Variants in PLEKHA4 observed in about 807,000 individuals in gnomAD.
The protein encoded by PLEKHA4 is pleckstrin homology domain containing A4.
Under a neutral mutation model 94.7 loss-of-function variants are expected in PLEKHA4, and 73 were observed. The ratio of observed to expected loss-of-function variants is 0.77; its 90% CI spans 0.64 to 0.94. The LOEUF is 0.94. Ranked by LOEUF, PLEKHA4 falls within the 40% of genes least tolerant of loss-of-function variation. The probability of loss-of-function intolerance (pLI) is 0.00; values close to 1 mark genes in which losing one functional copy is unlikely to be tolerated. For missense variants in PLEKHA4, 1,049 were observed against 1,054.1 expected (o/e 1.00, Z 0.07); for synonymous variants, 449 against 437.1 (o/e 1.03, Z -0.34).
intron 12 of PLEKHA4, among the ~76,000 whole-genome samples, chr19:48,853,002 A>G (rs1182877005): frequency 6.6e-6 from 1 of 152,126 alleles, no homozygotes; most frequent in Non-Finnish European, 1.5e-5. Context: ...CAACAATAAC[A>G]ATGATAATAT....
rs1253992744 is a variant in PLEKHA4, at chr19:48,845,543, T to G, written c.1640A>C (p.Asp547Ala). 3 of 1,610,942 alleles carry G rather than the reference T, an allele frequency of 1.9e-6. No individual in the cohort carries two copies. The highest frequency in any genetic ancestry group is 2.5e-6 in the Non-Finnish European group (3 of 1,178,122). The part of the protein sequence containing the change: ...ETDWGRPPGG[D>A]KDLASPHLGL... The stretch of plus-strand genomic sequence containing the variant: ...TAAGTGAGGGCTGGCGAGGTCTTTG[T>G]CGCCTCCAGGAGGCCGCCCCCAGTC... Residue 547 changes from aspartate to alanine, a missense_variant, in exon 15 of 20, where the codon GAC becomes GCC. By Grantham distance (126) the Asp-to-Ala change is moderately radical. Transcript: ENST00000263265.
At chr19:48,859,767 A>T (rs2036567139) in intron 6 of PLEKHA4, 83 bp from the exon 7 acceptor site, 2 of 1,300,400 alleles carry the variant, frequency 1.5e-6, no homozygotes, top group Admixed American at 2.3e-5. Flanking sequence ...GAACACAAGG[A>T]TGCACCCAAA....
chr19:48,843,458 C>T (rs780725663), intron 16 of PLEKHA4, among the ~76,000 whole-genome samples: 15 of 151,294 alleles, frequency 9.9e-5, no homozygotes, highest in African/African-American at 3.6e-4. Flanking sequence ...GGATTACAGG[C>T]GTTAGCCACC....
rs953299532 is a variant in PLEKHA4 at position 48,859,018 on chromosome 19, G to C, written c.814C>G (p.Pro272Ala). Residue 272 changes from proline to alanine, a missense_variant, in exon 8 of 20, where the codon CCG becomes GCG. By Grantham distance (27) the Pro-to-Ala change is conservative. Coordinates refer to ENST00000263265, the MANE Select transcript of PLEKHA4 (RefSeq NM_020904.3). ...GGTCGGACATCAATGCGACTCAACG[G>C]GGTGTGAGGTCGGGCAGGGGGTGCT... The part of the protein sequence containing the change: ...DTAPPARPHT[P>A]LSRIDVRPPL... 6.4e-7 allele frequency: 1 copy of C among 1,573,102 alleles called. No individual in the cohort carries two copies. The highest frequency in any genetic ancestry group is 8.6e-7 in the Non-Finnish European group (1 of 1,165,190).
In PLEKHA4 at chr19:48,861,687, G is replaced by A; in HGVS notation, c.198C>T (p.Ser66=). Residue 66 remains serine (S), a synonymous_variant, in exon 4 of 20, where the codon AGC becomes AGT. Coordinates refer to ENST00000263265, the MANE Select transcript of PLEKHA4 (RefSeq NM_020904.3). The stretch of plus-strand genomic sequence containing the variant: ...GGCGTTTCCAGAGACGGAGCCCCGA[G>A]CTGTCCTGGGGAGAGAGATGGGAGG... ...HIRGWLHKQD[S]SGLRLWKRRW... The A allele has an allele frequency of 6.2e-7, 1 of 1,613,906 alleles. No homozygotes were observed. The highest frequency in any genetic ancestry group is 1.1e-5 in the South Asian group (1 of 91,074).
At chr19:48,859,934 C>A (rs1404656166) in intron 6 of PLEKHA4, 3 of 583,056 alleles carry the variant, frequency 5.1e-6, no homozygotes, top group Non-Finnish European at 9.0e-6. Context: ...CCAGGTAGTC[C>A]AGTTTCCAGC....
rs763741186 is a variant in PLEKHA4 at position 48,838,103 on chromosome 19, G to A, written c.1991C>T (p.Pro664Leu). ...CCGCTCCCGGTGACCTTCGGAAGTC[G>A]GCAAGTAAGGGGTGGTGTTCCTTGG... ...SSPRNTTPYL[P>L]TSEGHRERVL... The change falls in exon 19 of 20, where the codon CCG becomes CTG. Residue 664 changes from proline to leucine, a missense_variant. By Grantham distance (98) the Pro-to-Leu change is moderately conservative. Transcript: ENST00000263265. 6.8e-6 allele frequency: 11 copies of A among 1,613,078 alleles called. No homozygotes were observed. The highest frequency in any genetic ancestry group is 1.3e-5 in the African/African-American group (1 of 74,726).
chr19:48,866,764 A>G (rs1295224017), intron 2 of PLEKHA4, among the ~76,000 whole-genome samples: 2 of 152,174 alleles, frequency 1.3e-5, no homozygotes, highest in Non-Finnish European at 2.9e-5. Flanking sequence ...AACTGGGACT[A>G]TGGGCTGGGA....
chr19:48,861,734 C>G, intron 3 of PLEKHA4, 42 bp from the exon 4 acceptor site: 2 of 1,549,292 alleles, frequency 1.3e-6, no homozygotes, highest in Non-Finnish European at 1.8e-6. Context: ...TAAAGGGAAA[C>G]AGAAAAAGGG....
intron 16 of PLEKHA4, among the ~76,000 whole-genome samples, chr19:48,841,972 A>C (rs1341673956): frequency 6.6e-6 from 1 of 152,010 alleles, no homozygotes; most frequent in Non-Finnish European, 1.5e-5. Flanking sequence ...AGACAGAGAG[A>C]GCACTCATTG....
At chr19:48,843,637 C>T (rs560335729) in intron 16 of PLEKHA4, among the ~76,000 whole-genome samples, 41 of 151,966 alleles carry the variant, frequency 2.7e-4, no homozygotes, top group African/African-American at 8.7e-4. Flanking sequence ...GGCACCACCA[C>T]GCACAGCTAA....
At position 48,859,624 on chromosome 19, in the gene PLEKHA4, ACCACCGGGG is replaced by A. The variant is rs778248582; in HGVS notation, c.528_536del (p.Gly178_Pro180del). 3 of 1,612,698 alleles carry A rather than the reference ACCACCGGGG, an allele frequency of 1.9e-6. No individual in the cohort carries two copies. The highest frequency in any genetic ancestry group is 1.7e-6 in the Non-Finnish European group (2 of 1,179,888). On this transcript the variant is annotated inframe_deletion, in exon 7 of 20. Coordinates refer to ENST00000263265, the MANE Select transcript of PLEKHA4 (RefSeq NM_020904.3). ...CTTCCCCTCTGCTCACCTCCGGGGG[ACCACCGGGG>A]CCGCCGGGGCCCTCCCCGGGCTGGG...
At chr19:48,844,228 C>T (rs1386801188) in intron 16 of PLEKHA4, among the ~76,000 whole-genome samples, 1 of 151,220 alleles carries the variant, frequency 6.6e-6, no homozygotes, top group Non-Finnish European at 1.5e-5. Context: ...AATCTTGGGT[C>T]TTTGCCACCT....
Position 48,859,648 on chromosome 19 carries a change from C to T in PLEKHA4, c.513G>A (p.Gly171=), listed in dbSNP as rs747477038. The change falls in exon 7 of 20, where the codon GGG becomes GGA. Residue 171 remains glycine (G), a synonymous_variant. Coordinates refer to ENST00000263265, the MANE Select transcript of PLEKHA4 (RefSeq NM_020904.3). ...GACCACCGGGGCCGCCGGGGCCCTC[C>T]CCGGGCTGGGGTCGTGCAGGTGACC... ...QPRSPARPQP[G]EGPGGPGGPP... is the part of the protein sequence containing the mutation. 3.1e-6 allele frequency: 5 copies of T among 1,612,440 alleles called. No individual in the cohort carries two copies. In the East Asian group the frequency reaches 8.9e-5, roughly 29 times the overall value.
chr19:48,856,824 G>T (rs1179229272), intron 9 of PLEKHA4, among the ~76,000 whole-genome samples: 2 of 147,624 alleles, frequency 1.4e-5, no homozygotes, highest in African/African-American at 5.1e-5. Context: ...GCATGAACCC[G>T]GGAGGCAGAG....
chr19:48,849,609 G>A lies in PLEKHA4; in HGVS notation c.1426-1569C>T, dbSNP rs144940370. 3.2e-4 allele frequency among the ~76,000 whole-genome samples: 48 copies of A among 152,198 alleles called. 1 individual carries two copies. Among genetic ancestry groups the A allele is most frequent in the South Asian group, 2.1e-3 (10 of 4,814 alleles). On this transcript the variant is annotated intron_variant, in intron 13 of 19. Coordinates refer to ENST00000263265, the MANE Select transcript of PLEKHA4 (RefSeq NM_020904.3). ...CAGGCGTGAGCCAACACGCCCGGCC[G>A]TGTCAATGTTTTTAAAGATACATGA...
At chr19:48,865,682 C>A (rs532385246) in intron 2 of PLEKHA4, 72 bp from the exon 3 acceptor site, 2 of 1,070,604 alleles carry the variant, frequency 1.9e-6, no homozygotes, top group African/African-American at 1.6e-5. Context: ...AGGGTGGACA[C>A]AGGCAACCGT....
Position 48,859,621 on chromosome 19 carries a change from G to A in PLEKHA4, c.540C>T (p.Pro180=), listed in dbSNP as rs1251239953. ...CCTCTTCCCCTCTGCTCACCTCCGG[G>A]GGACCACCGGGGCCGCCGGGGCCCT... ...PGEGPGGPGG[P]PEVSRGEEGR... is the part of the protein sequence containing the mutation. Residue 180 remains proline, a synonymous_variant, in exon 7 of 20, where the codon CCC becomes CCT. Coordinates refer to ENST00000263265, the MANE Select transcript of PLEKHA4 (RefSeq NM_020904.3). The A allele has an allele frequency of 1.2e-6, 2 of 1,613,018 alleles. No individual in the cohort carries two copies. Among genetic ancestry groups the A allele is most frequent in the Admixed American group, 1.7e-5 (1 of 59,864 alleles).
chr19:48,867,441 G>T lies in PLEKHA4; in HGVS notation c.84+96C>A. ...ATGTCTGGCAGACCCCGTTGCTAAGGATCTTTGTCCTTAACAACCAGAGTC... is the reference window on the plus strand; with the variant it reads ...ATGTCTGGCAGACCCCGTTGCTAAGTATCTTTGTCCTTAACAACCAGAGTC... On this transcript the variant is annotated intron_variant, in intron 2 of 19. Coordinates refer to ENST00000263265, the MANE Select transcript of PLEKHA4 (RefSeq NM_020904.3). This position sits in a 1 kb window ranked among gnomAD's most constrained non-coding sequence, Gnocchi z 4.7. 1.4e-6 allele frequency: 2 copies of T among 1,398,760 alleles called. No homozygotes were observed. Among genetic ancestry groups the T allele is most frequent in the Non-Finnish European group, 9.7e-7 (1 of 1,026,618 alleles). 86.6% of individuals were successfully genotyped at this position (1,398,760 alleles called of 1,614,324 possible).
Sources: allele counts gnomAD v4.1 joint callset (sites outside exome capture counted in the v4.1 genomes callset), GRCh38; gene constraint gnomAD v4.1.1; non-coding constraint Gnocchi (gnomAD v3.1); transcripts MANE v1.5; gene names NCBI Gene and HGNC (gene_info 2026-07-23, HGNC 2026-07-21).